The following LARP1B variants were observed in gnomAD, a reference collection of about 807,000 sequenced individuals.
LARP1B encodes the protein La ribonucleoprotein 1B.
LARP1B carries 76 observed loss-of-function variants against 114.2 expected under a neutral mutation model. That is an observed-to-expected ratio of 0.67 (90% CI 0.55 to 0.81). LARP1B has a LOEUF of 0.81. Ranked by LOEUF, LARP1B falls within the 30% of genes least tolerant of loss-of-function variation. The probability of loss-of-function intolerance (pLI) is 0.00; values close to 1 mark genes in which losing one functional copy is unlikely to be tolerated. For missense variants in LARP1B, 1,014 were observed against 1,075.8 expected, an observed-to-expected ratio of 0.94 and a Z score of 0.80; for synonymous variants, 345 against 348.0, an observed-to-expected ratio of 0.99 and a Z score of 0.10.
At chr4:128,147,276 C>T (rs1337024012) in intron 11 of LARP1B, among the ~76,000 whole-genome samples, 1 of 152,136 alleles carries the variant, frequency 6.6e-6, no homozygotes, top group African/African-American at 2.4e-5. Context: ...TCTAAGATCG[C>T]CTGGTTTCTT....
intron 5 of LARP1B, among the ~76,000 whole-genome samples, chr4:128,086,522 T>C (rs1156464248): frequency 1.3e-5 from 2 of 151,898 alleles, no homozygotes; most frequent in Non-Finnish European, 2.9e-5. Flanking sequence ...AGAGATGGGG[T>C]TTCCCCATGT....
intron 1 of LARP1B, chr4:128,062,102 A>G: frequency 1.0e-6 from 1 of 985,352 alleles, no homozygotes; most frequent in Non-Finnish European, 1.2e-6. Flanking sequence ...CCCTGCGGAA[A>G]AGCGGCAGCC....
intron 8 of LARP1B, among the ~76,000 whole-genome samples, chr4:128,098,997 C>T (rs899379013): frequency 6.6e-6 from 1 of 150,476 alleles, no homozygotes; most frequent in Admixed American, 6.6e-5. Flanking sequence ...AGGCTGGTCT[C>T]GAACTCCTGA....
intron 19 of LARP1B, among the ~76,000 whole-genome samples, chr4:128,208,621 A>G (rs1758225199): frequency 1.3e-5 from 2 of 152,182 alleles, no homozygotes; most frequent in South Asian, 4.1e-4. Context: ...CTTTAAGTAC[A>G]ACGGAAGATT....
intron 19 of LARP1B, among the ~76,000 whole-genome samples, chr4:128,208,800 T>TGA (rs879355527): frequency 2.0e-5 from 3 of 152,160 alleles, no homozygotes; most frequent in African/African-American, 4.8e-5. Flanking sequence ...ATGTTTAAAT[T>TGA]TGGTGCCATC....
chr4:128,101,643 A>G (rs976686714), intron 8 of LARP1B, among the ~76,000 whole-genome samples: 2 of 145,464 alleles, frequency 1.4e-5, no homozygotes, highest in Non-Finnish European at 3.0e-5. Context: ...TTACTTATTT[A>G]TTTATTTTCA....
chr4:128,199,256 ATG>A (rs1029594838), intron 15 of LARP1B, among the ~76,000 whole-genome samples, 181 bp from the exon 16 acceptor site: 1 of 152,206 alleles, frequency 6.6e-6, no homozygotes, highest in African/African-American at 2.4e-5. Flanking sequence ...GAATTTACAT[ATG>A]TGTATTGAAC....
intron 8 of LARP1B, 76 bp from the exon 9 acceptor site, chr4:128,107,063 A>C (rs970848309): frequency 1.6e-6 from 2 of 1,288,336 alleles, no homozygotes; most frequent in Admixed American, 4.7e-5. Context: ...CAGGTTTTCA[A>C]ATTTTTAGGT....
chr4:128,202,208 T>A (rs190468328), intron 17 of LARP1B, among the ~76,000 whole-genome samples: 208 of 152,336 alleles, frequency 1.4e-3, no homozygotes, highest in Admixed American at 3.9e-3. Context: ...CTTATGACTT[T>A]AATAGCTACT....
At chr4:128,125,930 G>A (rs924909920) in intron 11 of LARP1B, among the ~76,000 whole-genome samples, 1 of 152,000 alleles carries the variant, frequency 6.6e-6, no homozygotes, top group South Asian at 2.1e-4. Flanking sequence ...CAGACACCTA[G>A]CATATGAAAA....
intron 12 of LARP1B, 94 bp downstream of exon 12, chr4:128,162,411 G>T: frequency 8.8e-7 from 1 of 1,130,326 alleles, no homozygotes; most frequent in South Asian, 1.9e-5. Context: ...TTTATTTGTG[G>T]AAAATCATTA....
chr4:128,170,314 A>G (rs1481333758), intron 12 of LARP1B, among the ~76,000 whole-genome samples: 4 of 152,152 alleles, frequency 2.6e-5, no homozygotes, highest in East Asian at 1.9e-4. Context: ...TTATTACACT[A>G]TTTTTGAGTA....
chr4:128,084,388 C>T (rs557623028), intron 5 of LARP1B, among the ~76,000 whole-genome samples: 20 of 152,368 alleles, frequency 1.3e-4, no homozygotes, highest in African/African-American at 4.3e-4. Flanking sequence ...TCCGGGAGGC[C>T]GAGGCTGGCG....
chr4:128,212,188 C>T (rs77444620), downstream of LARP1B, among the ~76,000 whole-genome samples: 1,935 of 151,746 alleles, frequency 0.013, 49 homozygotes, highest in African/African-American at 0.044. Flanking sequence ...GCTTGAATTA[C>T]AGGCATGATG....
chr4:128,110,602 G>A (rs1258719145), intron 9 of LARP1B, among the ~76,000 whole-genome samples: 4 of 134,634 alleles, frequency 3.0e-5, no homozygotes, highest in African/African-American at 8.5e-5. Context: ...GCGTGAACCC[G>A]GGAGGCGGAG....
intron 10 of LARP1B, among the ~76,000 whole-genome samples, chr4:128,119,217 A>G (rs1400319293): frequency 6.6e-6 from 1 of 152,150 alleles, no homozygotes; most frequent in Non-Finnish European, 1.5e-5. Context: ...AAAACGTCCT[A>G]TGGACTTGGA....
chr4:128,124,360 A>G (rs59664646), intron 11 of LARP1B, among the ~76,000 whole-genome samples: 4,047 of 152,302 alleles, frequency 0.027, 166 homozygotes, highest in African/African-American at 0.093. Flanking sequence ...GAAGTAGGAC[A>G]TAACCAAGCA....
intron 1 of LARP1B, among the ~76,000 whole-genome samples, chr4:128,073,571 C>T (rs1173935218): frequency 1.0e-4 from 5 of 49,162 alleles, no homozygotes; most frequent in Non-Finnish European, 1.3e-4. Flanking sequence ...ATATTGTTGT[C>T]GTTTTTTTTT....
intron 12 of LARP1B, 141 bp from the exon 13 acceptor site, chr4:128,176,731 G>C: frequency 2.8e-6 from 2 of 709,062 alleles, no homozygotes; most frequent in Non-Finnish European, 4.8e-6. Flanking sequence ...TGTGGTAGTT[G>C]CTTTCTGGGA....
Sources: gnomAD v4.1 joint callset for allele counts (sites outside exome capture counted in the v4.1 genomes callset) on GRCh38, gnomAD v4.1.1 for gene constraint, MANE v1.5 for transcripts, NCBI Gene and HGNC (gene_info 2026-07-23, HGNC 2026-07-21) for gene names.